Variants in MUC17 observed in about 807,000 individuals in gnomAD.
MUC17 encodes the protein mucin 17, cell surface associated, also known as mucin-17.
In MUC17, 190 loss-of-function variants were observed where a neutral mutation model predicts 170.3. That is an observed-to-expected ratio of 1.12 (90% CI 0.99 to 1.26). The LOEUF (loss-of-function observed/expected upper bound fraction) is 1.26. Among genes scored for constraint, MUC17 ranks in the 50% most tolerant of loss-of-function variants. The probability of loss-of-function intolerance (pLI) is 0.00; values close to 1 mark genes in which losing one functional copy is unlikely to be tolerated. For missense variants in MUC17, 6,415 were observed against 5,530.0 expected (o/e 1.16, Z -5.08); for synonymous variants, 2,325 against 2,002.5 (o/e 1.16, Z -4.30).
chr7:101,056,258 C>A lies in MUC17; in HGVS notation c.13428C>A (p.Asp4476Glu). The change falls in exon 12 of 13, where the codon GAC becomes GAA. Residue 4476 changes from aspartate to glutamate, a missense_variant. Coordinates refer to ENST00000306151, the MANE Select transcript of MUC17 (RefSeq NM_001040105.2). Reference sequence around the variant, plus strand: ...TCCAGCCCTCCTTGAGACACATAGACCCTGAAACAAAGGTAAGAAGGGCCT... The same window carrying A: ...TCCAGCCCTCCTTGAGACACATAGAACCTGAAACAAAGGTAAGAAGGGCCT... ...SNFQPSLRHI[D>E]PETKIRIQRP... The A allele has an allele frequency of 1.2e-6, 2 of 1,613,872 alleles. No homozygotes were observed. The highest frequency in any genetic ancestry group is 1.7e-6 in the Non-Finnish European group (2 of 1,179,846).
chr7:101,052,429 A>G lies in MUC17; in HGVS notation c.13103+467A>G, dbSNP rs146983759. 1.1e-3 allele frequency among the ~76,000 whole-genome samples: 160 copies of G among 152,326 alleles called. 1 individual carries two copies. The highest frequency in any genetic ancestry group is 3.6e-3 in the African/African-American group (149 of 41,574). ...ACCAAAGAGAGAGAACAGCTGGAGC[A>G]TCAGGTGCGGGAAGAAGCCACATGT... On this transcript the variant is annotated intron_variant, in intron 9 of 12. Coordinates refer to ENST00000306151, the MANE Select transcript of MUC17 (RefSeq NM_001040105.2).
chr7:101,039,078 A>C lies in MUC17; in HGVS notation c.7662A>C (p.Ser2554=). The change falls in exon 3 of 13, where the codon TCA becomes TCC. Residue 2554 remains serine (S), a synonymous_variant. Coordinates refer to ENST00000306151, the MANE Select transcript of MUC17 (RefSeq NM_001040105.2). ...TGGTCACTTCTACTGAAATCAGTTC[A>C]TCTGCTACATCCGCTGAAGGTACCA... The part of the protein sequence containing the change: ...SPVVTSTEIS[S]SATSAEGTSM... 6.2e-7 allele frequency: 1 copy of C among 1,613,150 alleles called. No individual in the cohort carries two copies. The highest frequency in any genetic ancestry group is 8.5e-7 in the Non-Finnish European group (1 of 1,179,816).
rs1483862569 is a variant in MUC17, at chr7:101,041,220, T to C, written c.9804T>C (p.Gly3268=). The C allele has an allele frequency of 1.2e-6, 2 of 1,613,552 alleles. No homozygotes were observed. Among genetic ancestry groups the C allele is most frequent in the Non-Finnish European group, 1.7e-6 (2 of 1,179,802 alleles). Residue 3268 remains glycine (G), a synonymous_variant, in exon 3 of 13, where the codon GGT becomes GGC. Coordinates refer to ENST00000306151, the MANE Select transcript of MUC17 (RefSeq NM_001040105.2). ...GTTCATCTCCTCCCACTGCTGAAGGTACCAGCATGCCAACCTCAACTCCTA... is the reference window on the plus strand; with the variant it reads ...GTTCATCTCCTCCCACTGCTGAAGGCACCAGCATGCCAACCTCAACTCCTA... ...EASSSPPTAE[G]TSMPTSTPSE... is the part of the protein sequence containing the mutation.
rs1375391114 is a variant in MUC17 at position 101,040,777 on chromosome 7, G to A, written c.9361G>A (p.Ala3121Thr). ...PVSTTPVTSS[A>T]ISTLSTTPVD... ...CAGCACCACACCGGTGACCAGTTCTGCAATCAGCACCCTTTCAACAACTCC... is the reference window on the plus strand; with the variant it reads ...CAGCACCACACCGGTGACCAGTTCTACAATCAGCACCCTTTCAACAACTCC... The change falls in exon 3 of 13, where the codon GCA becomes ACA. Residue 3121 changes from alanine to threonine, a missense_variant. Coordinates refer to ENST00000306151, the MANE Select transcript of MUC17 (RefSeq NM_001040105.2). 2.5e-6 allele frequency: 4 copies of A among 1,612,992 alleles called. No homozygotes were observed. In the African/African-American group the frequency reaches 5.4e-5, roughly 22 times the overall value.
At chr7:101,053,770 C>T (rs1330420502) in intron 11 of MUC17, among the ~76,000 whole-genome samples, 2 of 151,464 alleles carry the variant, frequency 1.3e-5, no homozygotes, top group Non-Finnish European at 2.9e-5. Flanking sequence ...ATCCCAGCTA[C>T]TCGGGAGGCT....
chr7:101,039,425 C>T lies in MUC17; in HGVS notation c.8009C>T (p.Thr2670Ile). Reference protein sequence around the residue: ...TRTLVTTSTGTSSSPTTAEGS... With the variant: ...TRTLVTTSTGISSSPTTAEGS... ...ACACTTGTGACCACTTCCACTGGAA[C>T]CAGTTCATCTCCTACAACTGCTGAA... The change falls in exon 3 of 13, where the codon ACC (threonine) becomes ATC (isoleucine). Residue 2670 changes from threonine to isoleucine, a missense_variant. Thr to Ile is a moderately conservative substitution (Grantham distance 89). Transcript: ENST00000306151. 6.2e-7 allele frequency: 1 copy of T among 1,612,296 alleles called. No homozygotes were observed. The highest frequency in any genetic ancestry group is 2.2e-5 in the East Asian group (1 of 44,786).
At position 101,031,186 on chromosome 7, in the gene MUC17, G is replaced by A. The variant is rs144369997; in HGVS notation, c.149G>A (p.Arg50His). 4,439 of 1,613,798 alleles carry A rather than the reference G, an allele frequency of 2.8e-3. 11 individuals are homozygous for A. The highest frequency in any genetic ancestry group is 3.4e-3 in the Non-Finnish European group (3,961 of 1,179,860). Residue 50 changes from arginine to histidine, a missense_variant, in exon 2 of 13, where the codon CGT (arginine) becomes CAT (histidine). Coordinates refer to ENST00000306151, the MANE Select transcript of MUC17 (RefSeq NM_001040105.2). The part of the protein sequence containing the change: ...GCISQGDVLN[R>H]QCQQLSQHVR... ...ATCTCCCAAGGGGACGTCTTGAACCGTCAGTGCCAGCAGCTGTCTCAGCAC... is the reference window on the plus strand; with the variant it reads ...ATCTCCCAAGGGGACGTCTTGAACCATCAGTGCCAGCAGCTGTCTCAGCAC...
rs780978510 is a variant in MUC17 at position 101,032,025 on chromosome 7, C to T, written c.609C>T (p.Ser203=). ...QASSSPTTPE[S]TTIPKSTNSE... is the part of the protein sequence containing the mutation. ...GTTCATCTCCTACTACTCCTGAAAGCACCACCATACCCAAATCAACTAACA... is the reference window on the plus strand; with the variant it reads ...GTTCATCTCCTACTACTCCTGAAAGTACCACCATACCCAAATCAACTAACA... The change falls in exon 3 of 13, where the codon AGC becomes AGT. Residue 203 remains serine, a synonymous_variant. Transcript: ENST00000306151. The T allele has an allele frequency of 3.7e-6, 6 of 1,614,096 alleles. No homozygotes were observed. The highest frequency in any genetic ancestry group is 5.1e-6 in the Non-Finnish European group (6 of 1,180,042).
Position 101,040,040 on chromosome 7 carries a change from C to G in MUC17, c.8624C>G (p.Pro2875Arg), listed in dbSNP as rs1462402423. 1.9e-6 allele frequency: 3 copies of G among 1,610,858 alleles called. No individual in the cohort carries two copies. In the African/African-American group the frequency reaches 4.1e-5, roughly 22 times the overall value. ...SEGSTLLTSI[P>R]VSTTPVASSE... Reference sequence around the variant, plus strand: ...GGAAGTACTCTATTAACAAGTATACCTGTCAGCACCACGCCGGTGGCCAGT... The same window carrying G: ...GGAAGTACTCTATTAACAAGTATACGTGTCAGCACCACGCCGGTGGCCAGT... The change falls in exon 3 of 13, where the codon CCT (proline) becomes CGT (arginine). Residue 2875 changes from proline to arginine, a missense_variant. By Grantham distance (103) the Pro-to-Arg change is moderately radical. Coordinates refer to ENST00000306151, the MANE Select transcript of MUC17 (RefSeq NM_001040105.2).
rs574475018 is a variant in MUC17, at chr7:101,038,369, C to A, written c.6953C>A (p.Ser2318Ter). ...TPFTTSTEAS[S>*]PPPTAEGTSM... ...TTCACTACTTCTACTGAAGCCAGTT[C>A]ACCTCCTCCCACTGCTGAAGGTACC... The change falls in exon 3 of 13, where the codon TCA (serine) becomes TAA (stop). Residue 2318 changes from serine to a stop codon, truncating the protein, a stop_gained. Coordinates refer to ENST00000306151, the MANE Select transcript of MUC17 (RefSeq NM_001040105.2). LOFTEE classifies it high-confidence loss of function. 1.8e-5 allele frequency: 29 copies of A among 1,614,048 alleles called. No individual in the cohort carries two copies. Among genetic ancestry groups the A allele is most frequent in the South Asian group, 3.3e-5 (3 of 91,080 alleles).
chr7:101,057,930 ATCC>A (rs763691304), intron 12 of MUC17, 70 bp from the exon 13 acceptor site: 1 of 1,313,078 alleles, frequency 7.6e-7, no homozygotes. Flanking sequence ...TCCTATCCCA[ATCC>A]TCCTTATGCT....
At chr7:101,048,752 A>G in intron 4 of MUC17, 93 bp from the exon 5 acceptor site, 2 of 1,431,650 alleles carry the variant, frequency 1.4e-6, no homozygotes, top group African/African-American at 1.4e-5. Flanking sequence ...ACCATAAAAT[A>G]CAATGGAGCT....
rs866281542 is a variant in MUC17, at chr7:101,042,860, T to C, written c.11444T>C (p.Leu3815Ser). The change falls in exon 3 of 13, where the codon TTA becomes TCA. Residue 3815 changes from leucine to serine, a missense_variant. Coordinates refer to ENST00000306151, the MANE Select transcript of MUC17 (RefSeq NM_001040105.2). ...TCAACTACGAGTGAAAGAAGCACTT[T>C]ATTGACAACTGTCCTCATCAGCCCT... ...PMSTTSERST[L>S]LTTVLISPIS... 1 of 1,614,088 alleles carries C rather than the reference T, an allele frequency of 6.2e-7. No individual in the cohort carries two copies. Among genetic ancestry groups the C allele is most frequent in the South Asian group, 1.1e-5 (1 of 91,086 alleles).
At chr7:101,024,315 A>G (rs1194454853) in intron 1 of MUC17, among the ~76,000 whole-genome samples, 3 of 151,744 alleles carry the variant, frequency 2.0e-5, no homozygotes, top group Non-Finnish European at 4.4e-5. Context: ...CACGACAATC[A>G]CTTGAATCTG....
chr7:101,049,225 T>G, intron 5 of MUC17, 99 bp from the exon 6 acceptor site: 2 of 1,548,546 alleles, frequency 1.3e-6, no homozygotes, highest in Non-Finnish European at 8.9e-7. Context: ...GCTATGATGC[T>G]GCGGGACAGG....
At chr7:101,048,810 A>G (rs1355397455) in intron 4 of MUC17, 35 bp from the exon 5 acceptor site, 1 of 1,609,678 alleles carries the variant, frequency 6.2e-7, no homozygotes, top group Non-Finnish European at 8.5e-7. Context: ...TAGGAAACTC[A>G]GAGATGCTTT....
chr7:101,031,469 C>A, intron 2 of MUC17, 132 bp from the exon 3 acceptor site: 1 of 1,114,364 alleles, frequency 9.0e-7, no homozygotes, highest in Non-Finnish European at 1.2e-6. Context: ...AAACTAATTC[C>A]ACTTCTTCCT....
chr7:101,048,066 C>T lies in MUC17; in HGVS notation c.12486C>T (p.Asn4162=). 2 of 1,605,448 alleles carry T rather than the reference C, an allele frequency of 1.2e-6. No homozygotes were observed. The highest frequency in any genetic ancestry group is 4.6e-5 in the East Asian group (2 of 43,902). The change falls in exon 4 of 13, where the codon AAC becomes AAT. Residue 4162 remains asparagine (N), a synonymous_variant. Coordinates refer to ENST00000306151, the MANE Select transcript of MUC17 (RefSeq NM_001040105.2). Reference sequence around the variant, plus strand: ...ATGGGCTCAAGTGCCAGTGTCCCAACCTCTATTATGGGGAGTTGTGTGAGG... The same window carrying T: ...ATGGGCTCAAGTGCCAGTGTCCCAATCTCTATTATGGGGAGTTGTGTGAGG... ...TWDGLKCQCP[N]LYYGELCEEV...
rs777131911 is a variant in MUC17 at position 101,053,153 on chromosome 7, C to T, written c.13265+6C>T. 64 of 1,611,212 alleles carry T rather than the reference C, an allele frequency of 4.0e-5. No homozygotes were observed. Among genetic ancestry groups the T allele is most frequent in the East Asian group, 2.5e-4 (11 of 44,840 alleles). ...TCCAAGAGAGAGGTGAAACGGTGAG[C>T]GAGCCCCTACCACCTCCTCTTCCAA... On this transcript the variant is annotated splice_donor_region_variant and intron_variant, in intron 10 of 12. Transcript: ENST00000306151.
Sources: gnomAD v4.1 joint callset for allele counts (sites outside exome capture counted in the v4.1 genomes callset) on GRCh38, gnomAD v4.1.1 for gene constraint, MANE v1.5 for transcripts, NCBI Gene and HGNC (gene_info 2026-07-23, HGNC 2026-07-21) for gene names.